The following KDM4C variants were observed in gnomAD, a reference collection of about 807,000 sequenced individuals.
KDM4C encodes the protein lysine-specific demethylase 4C.
KDM4C carries 81 observed loss-of-function variants against 129.3 expected under a neutral mutation model. The ratio of observed to expected loss-of-function variants is 0.63; its 90% CI spans 0.52 to 0.75. The LOEUF (loss-of-function observed/expected upper bound fraction) is 0.75, where lower values mean the gene tolerates loss of function less well. KDM4C is among the 30% of genes least tolerant of loss of function. The probability of loss-of-function intolerance (pLI) is 0.00; values close to 1 mark genes in which losing one functional copy is unlikely to be tolerated. For missense variants in KDM4C, 1,457 were observed against 1,304.0 expected (o/e 1.12, Z -1.81); for synonymous variants, 573 against 456.1 (o/e 1.26, Z -3.26).
chr9:6,949,071 GC>G (rs567680456), intron 8 of KDM4C, among the ~76,000 whole-genome samples: 3 of 149,762 alleles, frequency 2.0e-5, no homozygotes, highest in Non-Finnish European at 4.4e-5. Context: ...GGGCAGAGGC[GC>G]CCCCCATCTC....
chr9:6,910,641 A>G (rs1471868821), intron 8 of KDM4C, among the ~76,000 whole-genome samples: 1 of 152,240 alleles, frequency 6.6e-6, no homozygotes, highest in Non-Finnish European at 1.5e-5. Context: ...TATGCAAATT[A>G]GTACACCCCA....
chr9:6,899,513 C>T (rs1817013529), intron 8 of KDM4C, among the ~76,000 whole-genome samples: 1 of 150,460 alleles, frequency 6.6e-6, no homozygotes, highest in South Asian at 2.1e-4. Context: ...TTTCACTGCC[C>T]TATGAGTCCT....
At chr9:7,028,484 C>G (rs182092381) in intron 15 of KDM4C, among the ~76,000 whole-genome samples, 235 of 151,634 alleles carry the variant, frequency 1.5e-3, no homozygotes, top group Admixed American at 1.9e-3. Flanking sequence ...CCTTTTTACT[C>G]TCTCTTCTCC....
chr9:6,835,370 C>G, intron 4 of KDM4C: 1 of 1,087,500 alleles, frequency 9.2e-7, no homozygotes, highest in Non-Finnish European at 1.4e-6. Flanking sequence ...ACCATGTACC[C>G]TAGCGTTGCC....
intron 10 of KDM4C, among the ~76,000 whole-genome samples, chr9:6,986,135 A>G (rs1175131480): frequency 6.6e-6 from 1 of 152,228 alleles, no homozygotes; most frequent in Non-Finnish European, 1.5e-5. Context: ...CCCTGGCATA[A>G]TACTTGAGTA....
intron 18 of KDM4C, among the ~76,000 whole-genome samples, chr9:7,104,853 A>G (rs1469663301): frequency 1.3e-5 from 2 of 152,238 alleles, no homozygotes; most frequent in South Asian, 2.1e-4. Flanking sequence ...GGAGTCACAC[A>G]CAGCAAATCT....
chr9:6,806,883 C>CGT (rs755020183), intron 3 of KDM4C, among the ~76,000 whole-genome samples: 703 of 61,102 alleles, frequency 0.012, 6 homozygotes, highest in Non-Finnish European at 0.018. Context: ...TCTCCGTCTC[C>CGT]CTCTCCCTCT....
chr9:7,082,819 T>C (rs550117466), intron 17 of KDM4C, among the ~76,000 whole-genome samples: 154 of 152,330 alleles, frequency 1.0e-3, no homozygotes, highest in South Asian at 4.6e-3. Context: ...AAGGGACTTA[T>C]GCCTTTTGTT....
chr9:6,897,439 G>A (rs1816648450), intron 8 of KDM4C, among the ~76,000 whole-genome samples: 1 of 152,156 alleles, frequency 6.6e-6, no homozygotes. Context: ...ATATAGCATA[G>A]CCAAATCCTG....
intron 17 of KDM4C, among the ~76,000 whole-genome samples, chr9:7,086,976 G>A (rs1330043943): frequency 6.6e-6 from 1 of 152,136 alleles, no homozygotes; most frequent in Non-Finnish European, 1.5e-5. Context: ...ACTCTGCCCT[G>A]TGGTTGAAGA....
intron 17 of KDM4C, among the ~76,000 whole-genome samples, chr9:7,071,251 A>G (rs951407272): frequency 6.6e-6 from 1 of 152,226 alleles, no homozygotes; most frequent in Non-Finnish European, 1.5e-5. Flanking sequence ...TCATAGATTC[A>G]GTGTAATTCT....
At chr9:6,743,418 G>T (rs987473301) in intron 1 of KDM4C, among the ~76,000 whole-genome samples, 1 of 152,058 alleles carries the variant, frequency 6.6e-6, no homozygotes, top group Non-Finnish European at 1.5e-5. Context: ...TCAAGAGTGT[G>T]CATCTTTAGT....
At position 7,013,972 on chromosome 9, in the gene KDM4C, G is replaced by C; in HGVS notation, c.2153G>C (p.Cys718Ser). ...GATGGAACAAGTCTCCTTATTTCCT[G>C]TGCAAAGTGCTGCGTACGGGTTCAT... is the stretch of plus-strand genomic sequence containing the variant. ...EEDGTSLLIS[C>S]AKCCVRVHAS... Residue 718 changes from cysteine to serine, a missense_variant, in exon 14 of 22, where the codon TGT (cysteine) becomes TCT (serine). Cys to Ser is a moderately radical substitution (Grantham distance 112, BLOSUM62 -1). Transcript: ENST00000381309. 1 of 1,613,824 alleles carries C rather than the reference G, an allele frequency of 6.2e-7. No individual in the cohort carries two copies. Among genetic ancestry groups the C allele is most frequent in the South Asian group, 1.1e-5 (1 of 91,058 alleles).
In KDM4C at chr9:6,873,019, T is replaced by C. The variant is rs1241916550; in HGVS notation, c.630-6993T>C. 1.2e-4 allele frequency among the ~76,000 whole-genome samples: 19 copies of C among 152,116 alleles called. 1 individual carries two copies. The highest frequency in any genetic ancestry group is 1.2e-3 in the Admixed American group (19 of 15,272). On this transcript the variant is annotated intron_variant, in intron 5 of 21. Transcript: ENST00000381309. ...TCGTCTCATTGCAACCTCCGCCTCC[T>C]GGGTTCAAGCAATTGTCCTGCCTCA... is the stretch of plus-strand genomic sequence containing the variant.
intron 15 of KDM4C, among the ~76,000 whole-genome samples, chr9:7,040,913 G>A (rs1403192484): frequency 2.0e-5 from 3 of 151,478 alleles, no homozygotes; most frequent in African/African-American, 7.3e-5. Flanking sequence ...TGATCTGTAG[G>A]TTGATATCTT....
chr9:6,735,393 C>T (rs959274911), intron 1 of KDM4C, among the ~76,000 whole-genome samples: 10 of 152,182 alleles, frequency 6.6e-5, no homozygotes, highest in African/African-American at 1.7e-4. Context: ...TGCTTGACAG[C>T]AGTGATATGC....
chr9:7,093,355 CT>C (rs1469647259), intron 17 of KDM4C, among the ~76,000 whole-genome samples: 2 of 152,064 alleles, frequency 1.3e-5, no homozygotes, highest in African/African-American at 4.8e-5. Flanking sequence ...TATGCTCCAT[CT>C]TTTTTCATTA....
intron 17 of KDM4C, among the ~76,000 whole-genome samples, chr9:7,066,443 A>C (rs1222962607): frequency 6.6e-6 from 1 of 152,236 alleles, no homozygotes; most frequent in Non-Finnish European, 1.5e-5. Flanking sequence ...GAGATATAAT[A>C]AGCATTTCTG....
At chr9:6,923,555 T>A (rs1375598112) in intron 8 of KDM4C, among the ~76,000 whole-genome samples, 1 of 152,200 alleles carries the variant, frequency 6.6e-6, no homozygotes, top group Admixed American at 6.5e-5. Context: ...TTTCCATGAA[T>A]TCCAAGAATT....
Sources: allele counts gnomAD v4.1 joint callset (sites outside exome capture counted in the v4.1 genomes callset), GRCh38; gene constraint gnomAD v4.1.1; transcripts MANE v1.5; gene names NCBI Gene and HGNC (gene_info 2026-07-23, HGNC 2026-07-21).